PRDM16: variants seen among roughly 807,000 people sequenced by gnomAD.
PRDM16 encodes histone-lysine N-methyltransferase PRDM16.
In PRDM16, 23 loss-of-function variants were observed where a neutral mutation model predicts 110.6. The observed-to-expected ratio is 0.21, with a 90% confidence interval of 0.15 to 0.29. The LOEUF is 0.29. Among genes scored for constraint, PRDM16 ranks in the 10% least tolerant of loss-of-function variants. The pLI is 1.00. For synonymous variants in PRDM16, 799 were observed against 781.8 expected, an observed-to-expected ratio of 1.02 and a Z score of -0.37; for missense variants, 1,615 against 1,794.3, an observed-to-expected ratio of 0.90 and a Z score of 1.81.
At position 3,128,652 on chromosome 1, in the gene PRDM16, G is replaced by C. The variant is rs867276418; in HGVS notation, c.38-57473G>C. On this transcript the variant is annotated intron_variant, in intron 1 of 16. Transcript: ENST00000270722. The stretch of plus-strand genomic sequence containing the variant: ...TGTGGAAGGAAGCGTCCAGCCCTCT[G>C]TGGACTGCCCTGTTCCTCCCACCAT... Among the ~76,000 whole-genome samples the C allele has an allele frequency of 2.0e-5, 3 of 152,118 alleles. No individual in the cohort carries two copies. In the Middle Eastern group the frequency reaches 0.01, roughly 517 times the overall value.
chr1:3,218,804 C>T (rs1024793646), intron 2 of PRDM16, among the ~76,000 whole-genome samples: 2 of 152,214 alleles, frequency 1.3e-5, no homozygotes, highest in Admixed American at 6.5e-5. Flanking sequence ...CCCAGGTGCA[C>T]GCTCAGCGGA....
chr1:3,175,456 C>T lies in PRDM16; in HGVS notation c.38-10669C>T, dbSNP rs1255555074. 1.3e-5 allele frequency among the ~76,000 whole-genome samples: 2 copies of T among 152,192 alleles called. No individual in the cohort carries two copies. The highest frequency in any genetic ancestry group is 2.9e-5 in the Non-Finnish European group (2 of 68,034). ...CTGATGCGCCCACCTCTCCCTCTCC[C>T]TGTTTTGTTCAGGGGGCAGGATGGC... is the stretch of plus-strand genomic sequence containing the variant. On this transcript the variant is annotated intron_variant, in intron 1 of 16. Transcript: ENST00000270722. This position sits in a 1 kb window ranked among gnomAD's most constrained non-coding sequence, Gnocchi z 4.8.
At chr1:3,293,904 C>CCAGCACACT (rs1241323071) in intron 3 of PRDM16, among the ~76,000 whole-genome samples, 1 of 152,200 alleles carries the variant, frequency 6.6e-6, no homozygotes, top group African/African-American at 2.4e-5. Context: ...CCCCGTAATC[C>CCAGCACACT]CAGCACACTC....
Position 3,191,049 on chromosome 1 carries a change from C to T in PRDM16, c.387+4575C>T, listed in dbSNP as rs1204287515. ...TGCTCACTGCATCAGCCACTGTCTC[C>T]CACCCAAGGTCTGCTTGTTTCTTTG... On this transcript the variant is annotated intron_variant, in intron 2 of 16. Coordinates refer to ENST00000270722, the MANE Select transcript of PRDM16 (RefSeq NM_022114.4). 2.0e-5 allele frequency among the ~76,000 whole-genome samples: 3 copies of T among 152,234 alleles called. No individual in the cohort carries two copies. The East Asian group carries it at 5.8e-4, about 30-fold the overall frequency.
chr1:3,315,940 C>T (rs755168398), intron 3 of PRDM16, among the ~76,000 whole-genome samples: 1 of 151,976 alleles, frequency 6.6e-6, no homozygotes, highest in Non-Finnish European at 1.5e-5. Flanking sequence ...GAAGGTATCT[C>T]AGGATTTGAA....
At chr1:3,168,921 C>A (rs1235466117) in intron 1 of PRDM16, among the ~76,000 whole-genome samples, 2 of 152,218 alleles carry the variant, frequency 1.3e-5, no homozygotes, top group Non-Finnish European at 2.9e-5. Context: ...TGCCCACACC[C>A]CCTCCCACCT....
intron 3 of PRDM16, among the ~76,000 whole-genome samples, chr1:3,263,318 A>G (rs1021075430): frequency 1.3e-5 from 2 of 152,200 alleles, no homozygotes; most frequent in Admixed American, 1.3e-4. Flanking sequence ...AGGTGCAGAA[A>G]TATGAGGGGT....
intron 1 of PRDM16, among the ~76,000 whole-genome samples, chr1:3,145,926 C>T (rs1736520): frequency 0.011 from 1,625 of 152,194 alleles, 24 homozygotes; most frequent in African/African-American, 0.037. Flanking sequence ...CTGGAGAGGT[C>T]CCCCGGCGCC....
intron 3 of PRDM16, among the ~76,000 whole-genome samples, chr1:3,312,463 C>A (rs1055796785): frequency 2.0e-5 from 3 of 152,226 alleles, no homozygotes; most frequent in Admixed American, 6.5e-5. Context: ...GCCGCCCACC[C>A]GCCGGCTGCA....
rs1377286322 is a variant in PRDM16 at position 3,412,331 on chromosome 1, CAGG to C, written c.2137_2139del (p.Glu713del). The C allele has an allele frequency of 1.9e-6, 3 of 1,613,614 alleles. No homozygotes were observed. Among genetic ancestry groups the C allele is most frequent in the Admixed American group, 1.7e-5 (1 of 60,010 alleles). ...CTTTGGCCCCGGCTTCATGGGGATGCAGGAGAAGAAGCTGGGCTCGCTCCCCTA... is the reference window on the plus strand; with the variant it reads ...CTTTGGCCCCGGCTTCATGGGGATGCAGAAGAAGCTGGGCTCGCTCCCCTA... On this transcript the variant is annotated inframe_deletion, in exon 9 of 17. Coordinates refer to ENST00000270722, the MANE Select transcript of PRDM16 (RefSeq NM_022114.4).
At chr1:3,258,930 C>G (rs1307793147) in intron 3 of PRDM16, among the ~76,000 whole-genome samples, 1 of 152,212 alleles carries the variant, frequency 6.6e-6, no homozygotes, top group African/African-American at 2.4e-5. Flanking sequence ...GAATCTGAAG[C>G]CTGGGCACCC....
chr1:3,252,957 C>A (rs2100224809), intron 3 of PRDM16, among the ~76,000 whole-genome samples: 1 of 152,246 alleles, frequency 6.6e-6, no homozygotes, highest in Admixed American at 6.5e-5. Flanking sequence ...TGGCATTCCC[C>A]CTCCCTGGCT....
intron 1 of PRDM16, among the ~76,000 whole-genome samples, chr1:3,096,038 G>A (rs1570242179): frequency 6.6e-6 from 1 of 152,108 alleles, no homozygotes; most frequent in African/African-American, 2.4e-5. Context: ...CAAAGCCCTC[G>A]GGACCTGCCC....
At chr1:3,221,348 C>T (rs1315403404) in intron 2 of PRDM16, among the ~76,000 whole-genome samples, 1 of 152,188 alleles carries the variant, frequency 6.6e-6, no homozygotes, top group Non-Finnish European at 1.5e-5. Context: ...TCCGGTTCAG[C>T]GTAACAGAGA....
chr1:3,322,010 TTG>T (rs1194330789), intron 3 of PRDM16, among the ~76,000 whole-genome samples: 1 of 150,012 alleles, frequency 6.7e-6, no homozygotes. Flanking sequence ...GTGCGTACGT[TTG>T]TGTGTGAGTG....
In PRDM16 at chr1:3,405,659, G is replaced by C; in HGVS notation, c.1186+11G>C. 6.4e-7 allele frequency: 1 copy of C among 1,555,074 alleles called. No individual in the cohort carries two copies. The highest frequency in any genetic ancestry group is 1.2e-5 in the South Asian group (1 of 84,350). The stretch of plus-strand genomic sequence containing the variant: ...TGAAGCCTTTCATATGTGAGTGGTC[G>C]CCCAGCCTGGCCGCCTGCCCTCCGG... On this transcript the variant is annotated intron_variant, in intron 8 of 16. Transcript: ENST00000270722.
At chr1:3,301,819 T>C (rs1291732416) in intron 3 of PRDM16, among the ~76,000 whole-genome samples, 1 of 152,240 alleles carries the variant, frequency 6.6e-6, no homozygotes, top group African/African-American at 2.4e-5. Context: ...TGTTTTCCTG[T>C]GTGCTCCAGG....
chr1:3,120,306 G>A (rs1452795771), intron 1 of PRDM16, among the ~76,000 whole-genome samples: 1 of 152,214 alleles, frequency 6.6e-6, no homozygotes, highest in Non-Finnish European at 1.5e-5. Flanking sequence ...CCGGGGCACT[G>A]GAAGATTCCA....
intron 3 of PRDM16, among the ~76,000 whole-genome samples, chr1:3,304,731 G>A (rs967158205): frequency 1.4e-5 from 2 of 147,510 alleles, no homozygotes; most frequent in Non-Finnish European, 1.5e-5. Context: ...ACAGACACTC[G>A]CTGTCCCCTT....
Sources: allele counts gnomAD v4.1 joint callset (sites outside exome capture counted in the v4.1 genomes callset), GRCh38; gene constraint gnomAD v4.1.1; non-coding constraint Gnocchi (gnomAD v3.1); transcripts MANE v1.5; gene names NCBI Gene and HGNC (gene_info 2026-07-23, HGNC 2026-07-21).